RPRD1B: variants seen among roughly 807,000 people sequenced by gnomAD.
The protein encoded by RPRD1B is regulation of nuclear pre-mRNA domain-containing protein 1B.
RPRD1B carries 11 observed loss-of-function variants against 41.5 expected under a neutral mutation model. The ratio of observed to expected loss-of-function variants is 0.27; its 90% CI spans 0.17 to 0.44. The LOEUF is 0.44. RPRD1B is among the 20% of genes least tolerant of loss of function. The pLI is 1.00. For synonymous variants in RPRD1B, 158 were observed against 155.6 expected, an observed-to-expected ratio of 1.02 and a Z score of -0.12; for missense variants, 248 against 389.9, an observed-to-expected ratio of 0.64 and a Z score of 3.06.
chr20:38,048,311 T>C, intron 2 of RPRD1B, 37 bp from the exon 3 acceptor site: 1 of 1,577,054 alleles, frequency 6.3e-7, no homozygotes, highest in Non-Finnish European at 8.6e-7. Flanking sequence ...GCAAAAAATC[T>C]TAAGCTTATA....
chr20:38,033,915 G>A lies in RPRD1B; in HGVS notation c.-33G>A. ...TCTTCCCGCCGCACTGGGCGGCCCA[G>A]GCCGCTCCCTGCCGGGCCTCACTGC... On this transcript the variant is annotated 5_prime_UTR_variant, in exon 1 of 7. Transcript: ENST00000373433. The A allele has an allele frequency of 6.3e-7, 1 of 1,586,366 alleles. No individual in the cohort carries two copies.
At chr20:38,038,469 C>G (rs528572560) in intron 1 of RPRD1B, among the ~76,000 whole-genome samples, 157 of 149,356 alleles carry the variant, frequency 1.1e-3, no homozygotes, top group African/African-American at 3.8e-3. Flanking sequence ...GGCACCACGC[C>G]CGGCTGATTT....
In RPRD1B at chr20:38,059,266, A is replaced by C. The variant is rs866310407; in HGVS notation, c.529-128A>C. The C allele has an allele frequency of 2.9e-4, 277 of 957,956 alleles. 1 individual carries two copies. The Middle Eastern group carries it at 3.7e-3, about 13-fold the overall frequency. 59.3% of individuals were successfully genotyped at this position (957,956 alleles called of 1,614,324 possible). A position where few individuals can be genotyped will look rare whatever the true frequency, so the allele number is the denominator to read the frequency against. On this transcript the variant is annotated intron_variant, in intron 4 of 6. Transcript: ENST00000373433. The stretch of plus-strand genomic sequence containing the variant: ...TTACATGTAAGCTCTGGGGCTAAGA[A>C]CAGTTTTTTTTAAGAAATGGCAGGA...
At chr20:38,079,556 C>T (rs540494197) in intron 6 of RPRD1B, among the ~76,000 whole-genome samples, 1 of 152,254 alleles carries the variant, frequency 6.6e-6, no homozygotes, top group South Asian at 2.1e-4. Flanking sequence ...GACGTGATCT[C>T]ATTCTTTTTT....
intron 6 of RPRD1B, among the ~76,000 whole-genome samples, chr20:38,068,114 G>A (rs963412243): frequency 3.3e-5 from 5 of 152,314 alleles, no homozygotes; most frequent in Middle Eastern, 3.4e-3. Flanking sequence ...TTTGCTGGAC[G>A]CCACGAGAGG....
intron 6 of RPRD1B, among the ~76,000 whole-genome samples, chr20:38,086,942 T>G (rs544937813): frequency 1.3e-4 from 20 of 152,216 alleles, no homozygotes; most frequent in African/African-American, 4.6e-4. Flanking sequence ...TTTGGTTTTT[T>G]GGGGTTTTTT....
chr20:38,054,508 A>G (rs901970080), intron 3 of RPRD1B, among the ~76,000 whole-genome samples: 1 of 152,194 alleles, frequency 6.6e-6, no homozygotes. Flanking sequence ...TTTGATCTGT[A>G]GCACCCAGAT....
At position 38,077,333 on chromosome 20, in the gene RPRD1B, A is replaced by G. The variant is rs147316667; in HGVS notation, c.831+11077A>G. ...TCTTCCATGTACTTCAGACTCATGT[A>G]TCTCATTTCCACAGACACCTCAGAC... On this transcript the variant is annotated intron_variant, in intron 6 of 6. Transcript: ENST00000373433. Among the ~76,000 whole-genome samples the G allele has an allele frequency of 8.5e-5, 13 of 152,236 alleles. No homozygotes were observed. In the East Asian group the frequency reaches 2.5e-3, roughly 29 times the overall value.
chr20:38,041,181 T>C (rs1600678209), intron 2 of RPRD1B, among the ~76,000 whole-genome samples: 1 of 152,218 alleles, frequency 6.6e-6, no homozygotes, highest in East Asian at 1.9e-4. Context: ...CTTTACTTCA[T>C]GTAAAAACAA....
intron 1 of RPRD1B, among the ~76,000 whole-genome samples, chr20:38,038,480 T>G (rs1430657868): frequency 9.0e-5 from 12 of 132,634 alleles, no homozygotes; most frequent in African/African-American, 3.3e-5. Context: ...CGGCTGATTT[T>G]TTTTGTTTTG....
Position 38,092,288 on chromosome 20 carries a change from TGTC to T in RPRD1B, c.*2416_*2418del, listed in dbSNP as rs2074617490. The T allele has an allele frequency of 3.0e-6, 3 of 985,244 alleles. No individual in the cohort carries two copies. Among genetic ancestry groups the T allele is most frequent in the Non-Finnish European group, 3.6e-6 (3 of 829,348 alleles). The allele number at this position is 985,244 out of a possible 1,614,324, so 61.0% of individuals were successfully genotyped here. On this transcript the variant is annotated 3_prime_UTR_variant, in exon 7 of 7. Transcript: ENST00000373433. ...TTTAGGACTATTTAGAAGTATAGGC[TGTC>T]GTTGGCGGCAGCAGTATATTCTGAA... is the stretch of plus-strand genomic sequence containing the variant.
At chr20:38,055,952 A>G (rs973639273) in intron 3 of RPRD1B, among the ~76,000 whole-genome samples, 1 of 152,156 alleles carries the variant, frequency 6.6e-6, no homozygotes, top group East Asian at 1.9e-4. Flanking sequence ...CTGAAGTTTG[A>G]ACTTGTTTTA....
intron 6 of RPRD1B, among the ~76,000 whole-genome samples, chr20:38,068,037 C>T (rs1318851189): frequency 6.6e-6 from 1 of 152,194 alleles, no homozygotes; most frequent in Non-Finnish European, 1.5e-5. Flanking sequence ...TCTGTTTTCC[C>T]TCCCCACAGT....
At chr20:38,044,654 G>A (rs143465846) in intron 2 of RPRD1B, among the ~76,000 whole-genome samples, 1 of 152,178 alleles carries the variant, frequency 6.6e-6, no homozygotes, top group Non-Finnish European at 1.5e-5. Context: ...GATTACAGGC[G>A]TCAGCCACCG....
At chr20:38,059,357 C>A in intron 4 of RPRD1B, 37 bp from the exon 5 acceptor site, 1 of 1,575,408 alleles carries the variant, frequency 6.3e-7, no homozygotes, top group Admixed American at 1.8e-5. Context: ...AACCCCATGT[C>A]TTAATGGGTA....
intron 1 of RPRD1B, among the ~76,000 whole-genome samples, chr20:38,037,843 A>C (rs971437082): frequency 6.6e-6 from 1 of 152,130 alleles, no homozygotes; most frequent in Admixed American, 6.5e-5. Flanking sequence ...GACATTTTAC[A>C]ATATGGATTC....
chr20:38,037,971 TGTA>T (rs936442738), intron 1 of RPRD1B, among the ~76,000 whole-genome samples: 1 of 152,188 alleles, frequency 6.6e-6, no homozygotes, highest in Non-Finnish European at 1.5e-5. Context: ...GGATTATAGG[TGTA>T]GTAGTTTCAC....
chr20:38,065,023 C>G (rs2074340172), intron 5 of RPRD1B, among the ~76,000 whole-genome samples: 1 of 151,800 alleles, frequency 6.6e-6, no homozygotes, highest in South Asian at 2.1e-4. Flanking sequence ...AGATAGAGCA[C>G]ACATAGTAAG....
At chr20:38,085,928 C>G (rs2074556995) in intron 6 of RPRD1B, among the ~76,000 whole-genome samples, 1 of 151,616 alleles carries the variant, frequency 6.6e-6, no homozygotes, top group Non-Finnish European at 1.5e-5. Context: ...CAGTCTCCAC[C>G]TCCTGGGCTC....
Sources: allele counts gnomAD v4.1 joint callset (sites outside exome capture counted in the v4.1 genomes callset), GRCh38; gene constraint gnomAD v4.1.1; transcripts MANE v1.5; gene names NCBI Gene and HGNC (gene_info 2026-07-23, HGNC 2026-07-21).